The following FGF14 variants were observed in gnomAD, a reference collection of about 807,000 sequenced individuals.
FGF14 encodes fibroblast growth factor 14.
FGF14 carries 5 observed loss-of-function variants against 25.5 expected under a neutral mutation model. That is an observed-to-expected ratio of 0.20 (90% CI 0.10 to 0.41). The LOEUF is 0.41. Ranked by LOEUF, FGF14 falls within the 10% of genes least tolerant of loss-of-function variation. The probability of loss-of-function intolerance (pLI) is 1.00; values close to 1 mark genes in which losing one functional copy is unlikely to be tolerated. For synonymous variants in FGF14, 138 were observed against 118.3 expected (o/e 1.17, Z -1.08); for missense variants, 222 against 320.1 (o/e 0.69, Z 2.34).
chr13:101,941,199 A>T (rs2035427045), intron 1 of FGF14, among the ~76,000 whole-genome samples: 1 of 152,224 alleles, frequency 6.6e-6, no homozygotes. Flanking sequence ...GCAGAGATGG[A>T]GTCAACACCT....
At chr13:101,765,662 T>C (rs763593863) in intron 3 of FGF14, among the ~76,000 whole-genome samples, 20 of 152,028 alleles carry the variant, frequency 1.3e-4, no homozygotes, top group Non-Finnish European at 1.3e-4. Context: ...AGAATCAATA[T>C]GTGAAACAAA....
At chr13:102,201,935 G>A (rs932109185) in intron 1 of FGF14, among the ~76,000 whole-genome samples, 4 of 152,164 alleles carry the variant, frequency 2.6e-5, no homozygotes, top group African/African-American at 9.7e-5. Context: ...TGGATGTGGG[G>A]CCTGGTGGGA....
chr13:101,943,826 A>AAT (rs1206422692), intron 1 of FGF14, among the ~76,000 whole-genome samples: 103 of 126,796 alleles, frequency 8.1e-4, no homozygotes, highest in South Asian at 5.0e-4. Context: ...AAAAAAAAAA[A>AAT]ATATATATAT....
intron 1 of FGF14, among the ~76,000 whole-genome samples, chr13:102,318,286 C>A (rs561317864): frequency 6.6e-6 from 1 of 152,290 alleles, no homozygotes; most frequent in African/African-American, 2.4e-5. Flanking sequence ...GAGCTGCTGG[C>A]AGCAGGGGGT....
chr13:102,178,612 C>T (rs1712540424), intron 1 of FGF14, among the ~76,000 whole-genome samples: 1 of 152,104 alleles, frequency 6.6e-6, no homozygotes, highest in Admixed American at 6.6e-5. Context: ...CGTTATTTAG[C>T]TCCCACTTCT....
intron 1 of FGF14, among the ~76,000 whole-genome samples, chr13:102,116,917 A>G (rs543775250): frequency 2.6e-5 from 4 of 152,202 alleles, no homozygotes; most frequent in Non-Finnish European, 5.9e-5. Flanking sequence ...TCCCAGCACC[A>G]ACACTGAATG....
intron 3 of FGF14, among the ~76,000 whole-genome samples, chr13:101,860,644 G>A (rs767218650): frequency 2.6e-5 from 4 of 151,778 alleles, no homozygotes; most frequent in African/African-American, 4.8e-5. Flanking sequence ...TGGTGTGATC[G>A]CAACTCACTG....
intron 1 of FGF14, among the ~76,000 whole-genome samples, chr13:101,906,131 T>C (rs1317033358): frequency 1.3e-5 from 2 of 152,150 alleles, no homozygotes; most frequent in African/African-American, 4.8e-5. Context: ...TGTATTCAGA[T>C]CAGATCCCAC....
intron 1 of FGF14, among the ~76,000 whole-genome samples, chr13:102,030,662 C>G (rs1437280798): frequency 6.6e-6 from 1 of 152,010 alleles, no homozygotes; most frequent in Non-Finnish European, 1.5e-5. Context: ...TCACTGATGT[C>G]TTGGGTTGAT....
At chr13:102,241,415 T>A (rs1302132037) in intron 1 of FGF14, among the ~76,000 whole-genome samples, 2 of 152,108 alleles carry the variant, frequency 1.3e-5, no homozygotes, top group African/African-American at 2.4e-5. Context: ...CCCCATACAA[T>A]CCATGTGGCC....
chr13:101,987,392 C>T (rs777321027), intron 1 of FGF14, among the ~76,000 whole-genome samples: 1 of 152,050 alleles, frequency 6.6e-6, no homozygotes, highest in African/African-American at 2.4e-5. Flanking sequence ...ATGTTTGCTT[C>T]TCTTCTTTCA....
intron 1 of FGF14, among the ~76,000 whole-genome samples, chr13:102,205,455 T>C (rs964171732): frequency 3.3e-5 from 5 of 151,958 alleles, no homozygotes; most frequent in African/African-American, 1.2e-4. Flanking sequence ...TAAAGTACTG[T>C]AGGTATTGTG....
intron 1 of FGF14, among the ~76,000 whole-genome samples, chr13:102,222,697 T>C (rs1246370772): frequency 6.6e-6 from 1 of 152,236 alleles, no homozygotes; most frequent in Non-Finnish European, 1.5e-5. Flanking sequence ...CAATCCTGTC[T>C]CACTCAGGAT....
intron 1 of FGF14, among the ~76,000 whole-genome samples, chr13:102,123,084 T>C (rs1019446457): frequency 3.9e-5 from 6 of 152,186 alleles, no homozygotes; most frequent in Non-Finnish European, 8.8e-5. Context: ...GGTAGTGAGA[T>C]ACCTAGAAAG....
At chr13:102,043,413 C>A (rs1470904042) in intron 1 of FGF14, among the ~76,000 whole-genome samples, 1 of 152,134 alleles carries the variant, frequency 6.6e-6, no homozygotes, top group African/African-American at 2.4e-5. Flanking sequence ...CAGGTTTCAT[C>A]CAACGCTTAC....
At chr13:101,790,422 T>C (rs2040170663) in intron 3 of FGF14, among the ~76,000 whole-genome samples, 1 of 151,516 alleles carries the variant, frequency 6.6e-6, no homozygotes, top group Non-Finnish European at 1.5e-5. Context: ...TTTTTTTTTT[T>C]TTTAACTTTT....
chr13:102,291,509 T>C (rs1453329362), intron 1 of FGF14, among the ~76,000 whole-genome samples: 18 of 152,190 alleles, frequency 1.2e-4, no homozygotes, highest in Admixed American at 1.2e-3. Context: ...ATGTGTTCTC[T>C]ATTCACCAGA....
chr13:102,140,252 T>C (rs1461492163), intron 1 of FGF14, among the ~76,000 whole-genome samples: 1 of 152,148 alleles, frequency 6.6e-6, no homozygotes, highest in African/African-American at 2.4e-5. Context: ...TAGACATAAA[T>C]AAAATGACTA....
At chr13:101,959,580 C>A (rs2036716072) in intron 1 of FGF14, among the ~76,000 whole-genome samples, 1 of 152,154 alleles carries the variant, frequency 6.6e-6, no homozygotes, top group Admixed American at 6.6e-5. Context: ...AGCTGTTATT[C>A]CAACTTGGAG....
Sources: allele counts gnomAD v4.1 joint callset (sites outside exome capture counted in the v4.1 genomes callset), GRCh38; gene constraint gnomAD v4.1.1; transcripts MANE v1.5; gene names NCBI Gene and HGNC (gene_info 2026-07-23, HGNC 2026-07-21).